LIN54: variants seen among roughly 807,000 people sequenced by gnomAD.
LIN54 encodes protein lin-54 homolog.
A neutral mutation model predicts 78.7 loss-of-function variants in LIN54; 9 were observed. The ratio of observed to expected loss-of-function variants is 0.11; its 90% CI spans 0.07 to 0.20. The LOEUF (loss-of-function observed/expected upper bound fraction) is 0.20, where lower values mean the gene tolerates loss of function less well. Among genes scored for constraint, LIN54 ranks in the 10% least tolerant of loss-of-function variants. LIN54 has a pLI of 1.00. For synonymous variants in LIN54, 269 were observed against 318.4 expected (o/e 0.84, Z 1.65); for missense variants, 573 against 889.9 (o/e 0.64, Z 4.53).
chr4:83,001,531 G>A (rs1728769965), intron 1 of LIN54, among the ~76,000 whole-genome samples: 1 of 151,368 alleles, frequency 6.6e-6, no homozygotes, highest in Non-Finnish European at 1.5e-5. Context: ...GCCTGAGCAG[G>A]AGTGAAATCC....
chr4:82,994,501 A>G (rs1728022657), intron 1 of LIN54, among the ~76,000 whole-genome samples: 1 of 151,830 alleles, frequency 6.6e-6, no homozygotes, highest in African/African-American at 2.4e-5. Context: ...CGGTTCAAGC[A>G]ATTCCCCTGC....
At chr4:82,977,226 ACTCCTGGTTAAGC>A (rs1726236601) in intron 3 of LIN54, among the ~76,000 whole-genome samples, 1 of 151,964 alleles carries the variant, frequency 6.6e-6, no homozygotes, top group Non-Finnish European at 1.5e-5. Context: ...CCATTAAAAC[ACTCCTGGTTAAGC>A]CCCTCTACCT....
At chr4:83,007,483 A>G (rs1729498347) in intron 1 of LIN54, among the ~76,000 whole-genome samples, 1 of 152,162 alleles carries the variant, frequency 6.6e-6, no homozygotes, top group Non-Finnish European at 1.5e-5. Context: ...TCATTTACTT[A>G]TAGGGTTACT....
chr4:82,990,174 C>T (rs1039950069), intron 1 of LIN54, among the ~76,000 whole-genome samples: 3 of 152,348 alleles, frequency 2.0e-5, no homozygotes, highest in Non-Finnish European at 4.4e-5. Context: ...AATGCCATGC[C>T]TGTCAGCACC....
chr4:82,991,154 GAAAAAAAAAA>G (rs56936823), intron 1 of LIN54, among the ~76,000 whole-genome samples: 4 of 86,360 alleles, frequency 4.6e-5, no homozygotes, highest in Non-Finnish European at 9.5e-5. Flanking sequence ...TGTCTCTTAA[GAAAAAAAAAA>G]AAAAAAAAAA....
At chr4:82,946,600 C>A (rs1413969270) in intron 4 of LIN54, 126 bp from the exon 5 acceptor site, 12 of 702,014 alleles carry the variant, frequency 1.7e-5, no homozygotes, top group Middle Eastern at 4.0e-4. Flanking sequence ...CTGAAAGGAA[C>A]AACCTGTTCA....
intron 4 of LIN54, among the ~76,000 whole-genome samples, chr4:82,950,152 A>G (rs941967369): frequency 2.0e-5 from 3 of 152,120 alleles, no homozygotes; most frequent in African/African-American, 7.2e-5. Flanking sequence ...CAAAACTATT[A>G]ACTAAACTAC....
At chr4:83,011,099 G>A (rs1729832968), upstream of LIN54, among the ~76,000 whole-genome samples, 1 of 152,210 alleles carries the variant, frequency 6.6e-6, no homozygotes, top group African/African-American at 2.4e-5. Flanking sequence ...GGACAATAAA[G>A]AACCCAAACT....
chr4:82,946,418 A>T lies in LIN54; in HGVS notation c.1008T>A (p.Phe336Leu), dbSNP rs374281315. ...ITVGGVSTSQ[F>L]KTIIPLATAP... ...CAGTTGCCAGAGGAATAATTGTCTT[A>T]AACTGTGATGTGCTCACTCCTCCAA... Residue 336 changes from phenylalanine (F) to leucine (L), a missense_variant, in exon 5 of 13, where the codon TTT becomes TTA. This residue lies in a region of LIN54 where 199 missense variants were observed against 260.9 expected (regional missense o/e 0.76). Coordinates refer to ENST00000340417, the MANE Select transcript of LIN54 (RefSeq NM_194282.4). 4 of 1,614,054 alleles carry T rather than the reference A, an allele frequency of 2.5e-6. No individual in the cohort carries two copies. The African/African-American group carries it at 5.3e-5, about 22-fold the overall frequency.
rs60456215 is a variant in LIN54 at position 82,959,728 on chromosome 4, G to T, written c.951+10599C>A. Among the ~76,000 whole-genome samples the T allele has an allele frequency of 6.3e-3, 959 of 152,064 alleles. 9 individuals carry two copies. The highest frequency in any genetic ancestry group is 0.022 in the African/African-American group (909 of 41,486). ...CTTCTTGTGTCCACAGATATTACAT[G>T]TAGCTAGAGTAAGAACTCAGCAACA... On this transcript the variant is annotated intron_variant, in intron 4 of 12. Coordinates refer to ENST00000340417, the MANE Select transcript of LIN54 (RefSeq NM_194282.4).
chr4:82,940,741 C>G (rs1722788087), intron 5 of LIN54, among the ~76,000 whole-genome samples: 1 of 152,124 alleles, frequency 6.6e-6, no homozygotes, highest in South Asian at 2.1e-4. Flanking sequence ...TAAAAGGCAG[C>G]ACAGCAAAAA....
chr4:83,005,365 C>T (rs7689695), intron 1 of LIN54, among the ~76,000 whole-genome samples: 323 of 152,046 alleles, frequency 2.1e-3, no homozygotes, highest in African/African-American at 7.4e-3. Flanking sequence ...GGGCCGGGCA[C>T]GGTGGCTCAC....
intron 5 of LIN54, among the ~76,000 whole-genome samples, chr4:82,941,895 A>G (rs961481106): frequency 2.0e-5 from 3 of 152,224 alleles, no homozygotes; most frequent in Admixed American, 2.0e-4. Context: ...GAAATTCAGG[A>G]AAGACATTGG....
rs746341420 is a variant in LIN54 at position 82,984,110 on chromosome 4, A to C, written c.684+51T>G. ...CTATAAACACAACTATGAATCAGTTAAATTTTTTTAAACATGCATTTTAAT... is the reference window on the plus strand; with the variant it reads ...CTATAAACACAACTATGAATCAGTTCAATTTTTTTAAACATGCATTTTAAT... On this transcript the variant is annotated intron_variant, in intron 2 of 12. Transcript: ENST00000340417. The C allele has an allele frequency of 1.2e-5, 16 of 1,320,854 alleles. No individual in the cohort carries two copies. The African/African-American group carries it at 2.1e-4, about 17-fold the overall frequency. The allele number at this position is 1,320,854 out of a possible 1,614,324, so 81.8% of individuals were successfully genotyped here.
At chr4:83,010,139 A>G (rs1729739554) in intron 1 of LIN54, among the ~76,000 whole-genome samples, 1 of 152,220 alleles carries the variant, frequency 6.6e-6, no homozygotes, top group South Asian at 2.1e-4. Flanking sequence ...TGCAGATAAA[A>G]TGCCAATGCT....
upstream of LIN54, among the ~76,000 whole-genome samples, chr4:83,012,285 G>A (rs1318284146): frequency 6.6e-6 from 1 of 152,090 alleles, no homozygotes; most frequent in Non-Finnish European, 1.5e-5. Flanking sequence ...ATGACATTTG[G>A]CTGGTGGGCT....
intron 3 of LIN54, among the ~76,000 whole-genome samples, chr4:82,972,181 A>G (rs1209002007): frequency 6.6e-6 from 1 of 151,932 alleles, no homozygotes; most frequent in Non-Finnish European, 1.5e-5. Flanking sequence ...CAGCCTCCTG[A>G]GTAGCTGGGA....
chr4:82,960,919 G>A (rs1167355034), intron 4 of LIN54, among the ~76,000 whole-genome samples: 1 of 152,016 alleles, frequency 6.6e-6, no homozygotes, highest in Non-Finnish European at 1.5e-5. Flanking sequence ...ATATTAGCTG[G>A]GTGTGAGGCA....
At chr4:82,937,154 T>C (rs1017811011) in intron 9 of LIN54, 73 bp downstream of exon 9, 29 of 813,748 alleles carry the variant, frequency 3.6e-5, no homozygotes, top group Non-Finnish European at 8.8e-6. Flanking sequence ...CTAAAAATTT[T>C]TAGTTAACTC....
Sources: gnomAD v4.1 joint callset for allele counts (sites outside exome capture counted in the v4.1 genomes callset) on GRCh38, gnomAD v4.1.1 for gene constraint, gnomAD v4.1.1 regional missense constraint, MANE v1.5 for transcripts, NCBI Gene and HGNC (gene_info 2026-07-23, HGNC 2026-07-21) for gene names.